The following DACT2 variants were observed in gnomAD, a reference collection of about 807,000 sequenced individuals.
The protein encoded by DACT2 is dapper homolog 2.
Under a neutral mutation model 22.2 loss-of-function variants are expected in DACT2, and 20 were observed. The ratio of observed to expected loss-of-function variants is 0.90; its 90% CI spans 0.63 to 1.31. DACT2 has a LOEUF of 1.31. Among genes scored for constraint, DACT2 ranks in the 50% most tolerant of loss-of-function variants. DACT2 has a pLI of 0.00. For missense variants in DACT2, 1,048 were observed against 1,061.4 expected (o/e 0.99, Z 0.18); for synonymous variants, 463 against 479.8 (o/e 0.96, Z 0.46).
intron 3 of DACT2, among the ~76,000 whole-genome samples, chr6:168,301,621 G>C (rs1204882671): frequency 1.3e-5 from 2 of 152,194 alleles, no homozygotes; most frequent in South Asian, 2.1e-4. Flanking sequence ...GAGAAGGCGA[G>C]ATACGCCCCC....
At chr6:168,294,663 G>A in exon 4 of DACT2, 1 of 1,485,660 alleles carries the variant, frequency 6.7e-7, no homozygotes, top group Middle Eastern at 1.7e-4. Context: ...CAGCCTGCAG[G>A]CGGAGCATGC....
At chr6:168,313,112 G>A (rs937269166) in intron 1 of DACT2, among the ~76,000 whole-genome samples, 6 of 152,182 alleles carry the variant, frequency 3.9e-5, no homozygotes, top group African/African-American at 1.4e-4. Context: ...AGTGGCGCGA[G>A]TTCAGCTCAC....
At chr6:168,293,788 G>A (rs569737718) in exon 6 of DACT2, 54 of 656,802 alleles carry the variant, frequency 8.2e-5, no homozygotes, top group Middle Eastern at 3.5e-4. Context: ...GGCGGGCAGA[G>A]GGGGGCCGAT....
At chr6:168,311,509 T>C (rs527712740) in intron 1 of DACT2, among the ~76,000 whole-genome samples, 179 of 116,164 alleles carry the variant, frequency 1.5e-3, no homozygotes, top group African/African-American at 7.6e-3. Flanking sequence ...CCCACACACA[T>C]ACACACACAC....
chr6:168,316,254 A>T (rs9456052), intron 1 of DACT2, among the ~76,000 whole-genome samples: 1,542 of 150,674 alleles, frequency 0.01, 29 homozygotes, highest in African/African-American at 0.036. Flanking sequence ...TCTCGGCAGC[A>T]CCTCCCTTCC....
chr6:168,294,565 G>GTA, intron 4 of DACT2: 1 of 336,284 alleles, frequency 3.0e-6, no homozygotes, highest in East Asian at 2.3e-4. Flanking sequence ...GTGTGTATGT[G>GTA]TGTGTGTGTG....
At chr6:168,314,728 T>A (rs1170618182) in intron 1 of DACT2, among the ~76,000 whole-genome samples, 2 of 152,148 alleles carry the variant, frequency 1.3e-5, no homozygotes, top group African/African-American at 2.4e-5. Context: ...GATATGGAGA[T>A]GGGATCTGAA....
intron 3 of DACT2, among the ~76,000 whole-genome samples, chr6:168,300,901 G>T (rs1385318905): frequency 6.6e-6 from 1 of 152,110 alleles, no homozygotes; most frequent in African/African-American, 2.4e-5. Flanking sequence ...CTGGAGAATC[G>T]CTTGAACCTG....
rs1350866225 is a variant in DACT2, at chr6:168,308,654, T to G, written c.1103A>C (p.Gln368Pro). The G allele has an allele frequency of 1.9e-6, 3 of 1,544,590 alleles. No homozygotes were observed. Among genetic ancestry groups the G allele is most frequent in the Non-Finnish European group, 2.6e-6 (3 of 1,146,958 alleles). The change falls in exon 4 of 4, where the codon CAG becomes CCG. Residue 368 changes from glutamine to proline, a missense_variant. Transcript: ENST00000366795. ...RHAASPSPQR[Q>P]GGWSTDGGGR... ...TCCACCGTCTGTACTCCAGCCACCC[T>G]GCCTCTGTGGAGATGGGGACGCTGC...
intron 3 of DACT2, among the ~76,000 whole-genome samples, chr6:168,309,403 GCACA>G (rs1562496929): frequency 2.0e-5 from 3 of 151,996 alleles, no homozygotes; most frequent in East Asian, 1.9e-4. Flanking sequence ...TCTAGACACC[GCACA>G]GGGCCGTTTG....
rs1177881585 is a variant in DACT2, at chr6:168,309,098, C to T, written c.659G>A (p.Gly220Asp). 5 of 1,509,508 alleles carry T rather than the reference C, an allele frequency of 3.3e-6. No homozygotes were observed. In the South Asian group the frequency reaches 4.9e-5, roughly 15 times the overall value. 93.5% of individuals were successfully genotyped at this position (1,509,508 alleles called of 1,614,324 possible). A position where few individuals can be genotyped will look rare whatever the true frequency, so the allele number is the denominator to read the frequency against. The change falls in exon 4 of 4, where the codon GGT becomes GAT. Residue 220 changes from glycine (G) to aspartate (D), a missense_variant and splice_region_variant. Coordinates refer to ENST00000366795, the MANE Select transcript of DACT2 (RefSeq NM_214462.5). ...GTFWPRPVST[G>D]DLDRALPADT... ...CGCCGGCAGGGCTCTGTCAAGATCA[C>T]CTGGGAGCGAGAAAAATGAACAAAC...
intron 5 of DACT2, chr6:168,294,120 A>G (rs1254124684): frequency 5.7e-6 from 4 of 703,028 alleles, no homozygotes; most frequent in Non-Finnish European, 1.0e-5. Flanking sequence ...GACAGTGAGC[A>G]TGGAGCACTT....
At chr6:168,318,362 A>G (rs955144081) in intron 1 of DACT2, among the ~76,000 whole-genome samples, 2 of 152,250 alleles carry the variant, frequency 1.3e-5, no homozygotes, top group Non-Finnish European at 2.9e-5. Flanking sequence ...CGTCCCAGAC[A>G]CTGGACTTCC....
rs1202036460 is a variant in DACT2, at chr6:168,319,473, G to A, written c.161C>T (p.Ala54Val). Residue 54 changes from alanine (A) to valine (V), a missense_variant, in exon 1 of 4, where the codon GCG becomes GTG. Physicochemically the swap from Ala to Val is moderately conservative, Grantham distance 64. Coordinates refer to ENST00000366795, the MANE Select transcript of DACT2 (RefSeq NM_214462.5). ...GTGGGGGCCGCAGGGCGCGGCGGGC[G>A]CGGGCGGGGGCTGCAGGGCCAGGGC... ...RGALALQPPP[A>V]PAAPCGPHGL... The A allele has an allele frequency of 8.3e-7, 1 of 1,203,460 alleles. No individual in the cohort carries two copies. Among genetic ancestry groups the A allele is most frequent in the Non-Finnish European group, 1.0e-6 (1 of 970,824 alleles). The allele number at this position is 1,203,460 out of a possible 1,614,324, so 74.5% of individuals were successfully genotyped here.
downstream of DACT2, among the ~76,000 whole-genome samples, chr6:168,304,638 C>T (rs1343068172): frequency 6.6e-6 from 1 of 152,238 alleles, no homozygotes; most frequent in South Asian, 2.1e-4. Flanking sequence ...GGCCGACTCA[C>T]CCCTTGCCCC....
chr6:168,307,767 A>C lies in DACT2; in HGVS notation c.1990T>G (p.Ser664Ala). 1 of 1,546,508 alleles carries C rather than the reference A, an allele frequency of 6.5e-7. No individual in the cohort carries two copies. Among genetic ancestry groups the C allele is most frequent in the Non-Finnish European group, 8.7e-7 (1 of 1,146,790 alleles). ...GGGTCACACTCGGCCGAGTGCTTGG[A>C]GGGCTCTGAGTCGCTCCTGGTGTAG... ...DAYTRSDSEP[S>A]KHSAECDPRF... The change falls in exon 4 of 4, where the codon TCC becomes GCC. Residue 664 changes from serine to alanine, a missense_variant. Physicochemically the swap from Ser to Ala is moderately conservative, Grantham distance 99. Transcript: ENST00000366795. The surrounding 1 kb of genome is among the most constrained non-coding windows in gnomAD (Gnocchi z 5.3).
chr6:168,309,001 C>T lies in DACT2; in HGVS notation c.756G>A (p.Pro252=), dbSNP rs946069838. ...LGLLCQGVDI[P]LHVPDPKYRQ... Reference sequence around the variant, plus strand: ...GATACTTGGGGTCCGGCACGTGCAGCGGGATATCCACCCCCTGGCAGAGGA... The same window carrying T: ...GATACTTGGGGTCCGGCACGTGCAGTGGGATATCCACCCCCTGGCAGAGGA... Residue 252 remains proline, a synonymous_variant, in exon 4 of 4, where the codon CCG becomes CCA. Coordinates refer to ENST00000366795, the MANE Select transcript of DACT2 (RefSeq NM_214462.5). 6.5e-6 allele frequency: 10 copies of T among 1,548,522 alleles called. No individual in the cohort carries two copies. The highest frequency in any genetic ancestry group is 4.1e-5 in the African/African-American group (3 of 73,060).
chr6:168,315,963 T>C (rs1210680738), intron 1 of DACT2, among the ~76,000 whole-genome samples: 1 of 152,198 alleles, frequency 6.6e-6, no homozygotes, highest in African/African-American at 2.4e-5. Context: ...AATGTAAAAG[T>C]GTTAAGCCCT....
chr6:168,308,432 G>A lies in DACT2; in HGVS notation c.1325C>T (p.Pro442Leu). 2 of 1,551,654 alleles carry A rather than the reference G, an allele frequency of 1.3e-6. No homozygotes were observed. Among genetic ancestry groups the A allele is most frequent in the South Asian group, 1.2e-5 (1 of 84,062 alleles). ...GGGTGTCTGCTGGGCCTTTGAGCTG[G>A]GAGAAGCCTGCACCATGGTCTCCCT... ...VLRETMVQAS[P>L]SSKAQQTPSA... The change falls in exon 4 of 4, where the codon CCC becomes CTC. Residue 442 changes from proline (P) to leucine (L), a missense_variant. By Grantham distance (98) the Pro-to-Leu change is moderately conservative (BLOSUM62 -3). Coordinates refer to ENST00000366795, the MANE Select transcript of DACT2 (RefSeq NM_214462.5).
Sources: gnomAD v4.1 joint callset for allele counts (sites outside exome capture counted in the v4.1 genomes callset) on GRCh38, gnomAD v4.1.1 for gene constraint, Gnocchi (gnomAD v3.1) non-coding constraint, MANE v1.5 for transcripts, NCBI Gene and HGNC (gene_info 2026-07-23, HGNC 2026-07-21) for gene names.